Variants in FRMD4A observed in about 807,000 individuals in gnomAD.
The protein encoded by FRMD4A is FERM domain-containing protein 4A.
In FRMD4A, 29 loss-of-function variants were observed where a neutral mutation model predicts 129.1. That is an observed-to-expected ratio of 0.22 (90% confidence interval 0.17 to 0.31). The LOEUF (loss-of-function observed/expected upper bound fraction) is 0.31, where lower values mean the gene tolerates loss of function less well. Ranked by LOEUF, FRMD4A falls within the 10% of genes least tolerant of loss-of-function variation. FRMD4A has a pLI of 1.00. For missense variants in FRMD4A, 1,272 were observed against 1,375.8 expected, an observed-to-expected ratio of 0.92 and a Z score of 1.19; for synonymous variants, 634 against 571.6, an observed-to-expected ratio of 1.11 and a Z score of -1.56.
chr10:14,185,431 T>C (rs1270243721), intron 2 of FRMD4A, among the ~76,000 whole-genome samples: 2 of 152,236 alleles, frequency 1.3e-5, no homozygotes, highest in Admixed American at 6.5e-5. Flanking sequence ...GGAGAGCTAG[T>C]ACAGATGAGG....
intron 2 of FRMD4A, among the ~76,000 whole-genome samples, chr10:14,093,266 C>A (rs963140501): frequency 3.3e-5 from 5 of 152,168 alleles, no homozygotes; most frequent in Admixed American, 2.6e-4. Context: ...AAAAACCAGG[C>A]AGCACATAAA....
rs1453039373 is a variant in FRMD4A, at chr10:13,961,690, A to C, written c.46-102778T>G. Among the ~76,000 whole-genome samples the C allele has an allele frequency of 2.6e-5, 4 of 152,230 alleles. No individual in the cohort carries two copies. In the East Asian group the frequency reaches 7.7e-4, roughly 29 times the overall value. On this transcript the variant is annotated intron_variant, in intron 2 of 24. Transcript: ENST00000357447. ...TTTCTTCAACATCACAGAAAAGGCAAGGTCCCTCTTAGGTTACCAGGTGCC... is the reference window on the plus strand; with the variant it reads ...TTTCTTCAACATCACAGAAAAGGCACGGTCCCTCTTAGGTTACCAGGTGCC...
At chr10:13,692,620 G>A (rs2085816602) in intron 15 of FRMD4A, 1 of 152,252 alleles carries the variant, frequency 6.6e-6, no homozygotes, top group African/African-American at 2.4e-5. Flanking sequence ...TCTCAGTCCA[G>A]GAAGGATGTC....
intron 6 of FRMD4A, among the ~76,000 whole-genome samples, chr10:13,780,882 G>A (rs765442743): frequency 6.6e-6 from 1 of 152,126 alleles, no homozygotes; most frequent in Non-Finnish European, 1.5e-5. Flanking sequence ...GAGATATTTA[G>A]ACATCCATGT....
At chr10:14,327,620 T>G (rs12773069) in intron 2 of FRMD4A, among the ~76,000 whole-genome samples, 30,930 of 152,170 alleles carry the variant, frequency 0.2, 3,921 homozygotes, top group Middle Eastern at 0.29. Flanking sequence ...CCCTGAAGCA[T>G]TTAGCATCTA....
chr10:14,000,462 C>A (rs775375884), intron 2 of FRMD4A, among the ~76,000 whole-genome samples: 19 of 151,784 alleles, frequency 1.3e-4, no homozygotes, highest in Non-Finnish European at 2.1e-4. Flanking sequence ...GCCTGGCCAA[C>A]CTGGTGAAAC....
intron 2 of FRMD4A, among the ~76,000 whole-genome samples, chr10:14,018,386 G>A (rs1281148598): frequency 6.9e-6 from 1 of 144,362 alleles, no homozygotes; most frequent in Non-Finnish European, 1.5e-5. Flanking sequence ...AACCCGGGAG[G>A]CAGAGGTTGC....
intron 8 of FRMD4A, among the ~76,000 whole-genome samples, chr10:13,748,258 T>C (rs1369475852): frequency 6.6e-6 from 1 of 152,202 alleles, no homozygotes; most frequent in Non-Finnish European, 1.5e-5. Context: ...ACTGTCTCCC[T>C]AAGAGCATTT....
At chr10:14,251,790 C>T (rs536850841) in intron 2 of FRMD4A, among the ~76,000 whole-genome samples, 2 of 152,298 alleles carry the variant, frequency 1.3e-5, no homozygotes, top group African/African-American at 4.8e-5. Context: ...AGGCAAATTA[C>T]TTAACCTCCC....
intron 12 of FRMD4A, among the ~76,000 whole-genome samples, chr10:13,735,874 C>A (rs2090600852): frequency 1.3e-5 from 2 of 152,154 alleles, no homozygotes; most frequent in African/African-American, 4.8e-5. Context: ...AAGAGTCAGG[C>A]CAGGTGTGGT....
intron 2 of FRMD4A, among the ~76,000 whole-genome samples, chr10:14,188,736 C>A (rs1264493546): frequency 2.6e-5 from 4 of 152,272 alleles, no homozygotes; most frequent in Admixed American, 2.6e-4. Flanking sequence ...GAGACCCCGT[C>A]CCTACGAAAA....
intron 2 of FRMD4A, among the ~76,000 whole-genome samples, chr10:13,977,124 T>A (rs548753470): frequency 2.6e-4 from 39 of 151,960 alleles, no homozygotes; most frequent in African/African-American, 8.9e-4. Flanking sequence ...TCCACAAGAG[T>A]GAGAGGGAAA....
At chr10:14,030,032 C>G (rs1833162896) in intron 2 of FRMD4A, among the ~76,000 whole-genome samples, 1 of 152,118 alleles carries the variant, frequency 6.6e-6, no homozygotes, top group Admixed American at 6.5e-5. Flanking sequence ...CATCTCACTT[C>G]TAGGTAGAAG....
rs140220106 is a variant in FRMD4A, at chr10:13,731,572, C to T, written c.759+6272G>A. ...GCTGAGGCAGAAGAATTGCTTGAAC[C>T]GGGGAGGTGGAGGTTGCAGTGAGCT... On this transcript the variant is annotated intron_variant, in intron 12 of 24. Transcript: ENST00000357447. Among the ~76,000 whole-genome samples, 240 of 146,342 alleles carry T rather than the reference C, an allele frequency of 1.6e-3. 1 individual carries two copies. Among genetic ancestry groups the T allele is most frequent in the African/African-American group, 4.7e-3 (183 of 39,234 alleles).
At chr10:14,121,242 CCTGT>C (rs1425015495) in intron 2 of FRMD4A, among the ~76,000 whole-genome samples, 1 of 152,144 alleles carries the variant, frequency 6.6e-6, no homozygotes, top group African/African-American at 2.4e-5. Flanking sequence ...GTGGCGTGCA[CCTGT>C]AGTCCCAGCT....
chr10:14,216,845 C>T (rs890148590), intron 2 of FRMD4A, among the ~76,000 whole-genome samples: 2 of 152,148 alleles, frequency 1.3e-5, no homozygotes, highest in African/African-American at 4.8e-5. Flanking sequence ...AGGGTCTCCA[C>T]CAGGATAATG....
chr10:13,650,228 A>G (rs2081442961), intron 24 of FRMD4A, among the ~76,000 whole-genome samples: 1 of 152,306 alleles, frequency 6.6e-6, no homozygotes, highest in Admixed American at 6.5e-5. Flanking sequence ...TTTTAAACGT[A>G]TAACTAACTT....
intron 9 of FRMD4A, among the ~76,000 whole-genome samples, chr10:13,744,252 C>T (rs540924869): frequency 1.3e-5 from 2 of 152,138 alleles, no homozygotes; most frequent in African/African-American, 4.8e-5. Context: ...CATTTACAAA[C>T]TAGGCCCGCG....
chr10:13,650,177 G>C (rs574811064), intron 24 of FRMD4A, among the ~76,000 whole-genome samples: 1 of 152,210 alleles, frequency 6.6e-6, no homozygotes, highest in East Asian at 1.9e-4. Context: ...GCATAGGGAG[G>C]TGGGGCTGCT....
Sources: allele counts gnomAD v4.1 joint callset (sites outside exome capture counted in the v4.1 genomes callset), GRCh38; gene constraint gnomAD v4.1.1; transcripts MANE v1.5; gene names NCBI Gene and HGNC (gene_info 2026-07-23, HGNC 2026-07-21).